RIC8B: variants seen among roughly 807,000 people sequenced by gnomAD.
RIC8B encodes chaperone Ric-8B.
Under a neutral mutation model 57.5 loss-of-function variants are expected in RIC8B, and 16 were observed. That is an observed-to-expected ratio of 0.28 (90% CI 0.19 to 0.42). The LOEUF is 0.42. Ranked by LOEUF, RIC8B falls within the 10% of genes least tolerant of loss-of-function variation. RIC8B has a pLI of 1.00. For missense variants in RIC8B, 481 were observed against 677.0 expected (o/e 0.71, Z 3.21); for synonymous variants, 216 against 250.8 (o/e 0.86, Z 1.31).
At chr12:106,793,001 C>T (rs1245141709) in intron 2 of RIC8B, among the ~76,000 whole-genome samples, 6 of 152,116 alleles carry the variant, frequency 3.9e-5, no homozygotes, top group Non-Finnish European at 1.5e-5. Context: ...CTCATCCTGC[C>T]CCCAGCTACC....
intron 8 of RIC8B, among the ~76,000 whole-genome samples, chr12:106,862,989 C>T (rs1262139005): frequency 1.3e-5 from 2 of 152,096 alleles, no homozygotes; most frequent in African/African-American, 4.8e-5. Flanking sequence ...TGAAAGTTTT[C>T]AGATAAACTT....
chr12:106,775,999 T>A (rs1371705775), intron 1 of RIC8B, among the ~76,000 whole-genome samples: 1 of 152,188 alleles, frequency 6.6e-6, no homozygotes, highest in East Asian at 1.9e-4. Flanking sequence ...AATGGCATAC[T>A]GGTGGCTGAA....
At chr12:106,824,106 C>G (rs1447709939) in intron 3 of RIC8B, among the ~76,000 whole-genome samples, 2 of 152,122 alleles carry the variant, frequency 1.3e-5, no homozygotes, top group East Asian at 3.9e-4. Context: ...TTTCCCCTTT[C>G]CCCCTACAAT....
In RIC8B at chr12:106,879,834, C is replaced by T. The variant is rs1349244823; in HGVS notation, c.1572-6070C>T. On this transcript the variant is annotated intron_variant, in intron 9 of 9. Transcript: ENST00000392837. This position sits in a 1 kb window ranked among gnomAD's most constrained non-coding sequence, Gnocchi z 4.9. ...CAGATGCCTGATCAGATGAGAAGCC[C>T]GCCATGATACTGTCACAGTGCCTAG... 2.0e-6 allele frequency: 2 copies of T among 985,258 alleles called. No homozygotes were observed. Among genetic ancestry groups the T allele is most frequent in the Admixed American group, 6.2e-5 (1 of 16,254 alleles). 61.0% of individuals were successfully genotyped at this position (985,258 alleles called of 1,614,324 possible).
At chr12:106,822,256 C>T (rs1425673053) in intron 3 of RIC8B, 2 of 152,034 alleles carry the variant, frequency 1.3e-5, no homozygotes, top group African/African-American at 4.8e-5. Flanking sequence ...GTGAGAATGA[C>T]TAAAATGAAA....
At chr12:106,860,233 G>A in intron 7 of RIC8B, 35 bp from the exon 8 acceptor site, 1 of 1,507,168 alleles carries the variant, frequency 6.6e-7, no homozygotes, top group East Asian at 2.4e-5. Flanking sequence ...GAAGACCCAA[G>A]GATTCCTATC....
chr12:106,833,727 A>G (rs997063535), intron 4 of RIC8B, among the ~76,000 whole-genome samples: 2 of 152,180 alleles, frequency 1.3e-5, no homozygotes. Flanking sequence ...TGGGCACATT[A>G]TATACTTGAT....
At chr12:106,823,514 G>C (rs2045949747) in intron 3 of RIC8B, 1 of 452,938 alleles carries the variant, frequency 2.2e-6, no homozygotes, top group Non-Finnish European at 4.4e-6. Flanking sequence ...ATTTCCAAAA[G>C]TCTGTCAACA....
intron 2 of RIC8B, among the ~76,000 whole-genome samples, chr12:106,787,195 G>T (rs1029656483): frequency 6.6e-6 from 1 of 152,160 alleles, no homozygotes; most frequent in Non-Finnish European, 1.5e-5. Flanking sequence ...TCTGCTTCCT[G>T]GGAGGTCTGT....
chr12:106,834,221 G>C (rs1281708993), intron 4 of RIC8B, among the ~76,000 whole-genome samples: 1 of 152,084 alleles, frequency 6.6e-6, no homozygotes, highest in African/African-American at 2.4e-5. Context: ...CTAGTTTCTT[G>C]TCAGATCTGT....
intron 2 of RIC8B, among the ~76,000 whole-genome samples, chr12:106,802,277 C>CT: frequency 6.6e-6 from 1 of 152,292 alleles, no homozygotes; most frequent in East Asian, 1.9e-4. Flanking sequence ...TACCCTATGA[C>CT]TTTAAGTATC....
Position 106,851,548 on chromosome 12 carries a change from C to CA in RIC8B, c.1262dup (p.Gln422AlafsTer5). The CA allele has an allele frequency of 6.2e-7, 1 of 1,613,250 alleles. No homozygotes were observed. Among genetic ancestry groups the CA allele is most frequent in the Non-Finnish European group, 8.5e-7 (1 of 1,179,898 alleles). ...TCATGACACATGTTGACCTTGGAGT[C>CA]AAGCAAATTGCTGCTGAATTCCTTT... On this transcript the variant is annotated frameshift_variant, in exon 7 of 10. Coordinates refer to ENST00000392837, the MANE Select transcript of RIC8B (RefSeq NM_001330145.2). LOFTEE classifies it high-confidence loss of function.
At chr12:106,795,760 C>T (rs568291170) in intron 2 of RIC8B, among the ~76,000 whole-genome samples, 1 of 152,124 alleles carries the variant, frequency 6.6e-6, no homozygotes, top group East Asian at 1.9e-4. Context: ...TTTGGGGCTG[C>T]TTTTCATTAA....
chr12:106,830,208 A>G (rs1260025744), intron 4 of RIC8B, among the ~76,000 whole-genome samples: 4 of 152,222 alleles, frequency 2.6e-5, no homozygotes, highest in African/African-American at 9.6e-5. Context: ...CTATTTCTAA[A>G]AAAGAGTGTC....
At chr12:106,835,375 C>T (rs1250844318) in intron 4 of RIC8B, among the ~76,000 whole-genome samples, 2 of 152,176 alleles carry the variant, frequency 1.3e-5, no homozygotes, top group African/African-American at 4.8e-5. Flanking sequence ...ACCATAATCT[C>T]TCATTCCTCC....
At chr12:106,790,096 T>C (rs1015755883) in intron 2 of RIC8B, among the ~76,000 whole-genome samples, 2 of 152,206 alleles carry the variant, frequency 1.3e-5, no homozygotes, top group Non-Finnish European at 1.5e-5. Context: ...TCCTATCTTA[T>C]GAATAAGGAA....
At chr12:106,808,952 A>G (rs1030053331) in intron 2 of RIC8B, among the ~76,000 whole-genome samples, 2 of 152,198 alleles carry the variant, frequency 1.3e-5, no homozygotes, top group African/African-American at 4.8e-5. Context: ...GCTAAAGCCA[A>G]AGATGATCCT....
chr12:106,804,805 A>G (rs751745484), intron 2 of RIC8B, among the ~76,000 whole-genome samples: 2 of 152,238 alleles, frequency 1.3e-5, no homozygotes, highest in Non-Finnish European at 2.9e-5. Context: ...AGAGGTGTTA[A>G]GTGCTATAAA....
intron 8 of RIC8B, among the ~76,000 whole-genome samples, chr12:106,864,025 A>G (rs1950040503): frequency 6.6e-6 from 1 of 152,168 alleles, no homozygotes; most frequent in Non-Finnish European, 1.5e-5. Context: ...AATATCAGAT[A>G]AGTAAATGAA....
Sources: gnomAD v4.1 joint callset for allele counts (sites outside exome capture counted in the v4.1 genomes callset) on GRCh38, gnomAD v4.1.1 for gene constraint, Gnocchi (gnomAD v3.1) non-coding constraint, MANE v1.5 for transcripts, NCBI Gene and HGNC (gene_info 2026-07-23, HGNC 2026-07-21) for gene names.